VPS53: variants seen among roughly 807,000 people sequenced by gnomAD.
VPS53 encodes the protein vacuolar protein sorting-associated protein 53 homolog.
In VPS53, 70 loss-of-function variants were observed where a neutral mutation model predicts 107.0. That is an observed-to-expected ratio of 0.65 (90% CI 0.54 to 0.80). The LOEUF is 0.80. VPS53 is among the 30% of genes least tolerant of loss of function. The pLI, the probability that VPS53 is intolerant of heterozygous loss-of-function variation, is 0.00. For synonymous variants in VPS53, 409 were observed against 393.3 expected (o/e 1.04, Z -0.47); for missense variants, 917 against 1,049.4 (o/e 0.87, Z 1.74).
chr17:661,697 C>T, intron 5 of VPS53, 112 bp downstream of exon 5: 1 of 985,116 alleles, frequency 1.0e-6, no homozygotes, highest in Non-Finnish European at 1.5e-6. Flanking sequence ...ATGCAGATGA[C>T]TCTGGTTGGC....
intron 13 of VPS53, among the ~76,000 whole-genome samples, chr17:583,996 C>T (rs1308301173): frequency 6.6e-6 from 1 of 152,190 alleles, no homozygotes; most frequent in Admixed American, 6.5e-5. Flanking sequence ...TCCCTCAGGA[C>T]CTAATATGTT....
chr17:679,028 A>T (rs2143770965), intron 4 of VPS53, among the ~76,000 whole-genome samples: 1 of 152,222 alleles, frequency 6.6e-6, no homozygotes, highest in South Asian at 2.1e-4. Context: ...CTTACATAAC[A>T]AGAAGTAGAA....
chr17:665,727 G>C (rs1802902160), intron 4 of VPS53, among the ~76,000 whole-genome samples: 1 of 152,202 alleles, frequency 6.6e-6, no homozygotes, highest in Admixed American at 6.5e-5. Context: ...ACAGTAAGCT[G>C]GGCATGGTGG....
chr17:692,579 T>G (rs549281443), intron 4 of VPS53, among the ~76,000 whole-genome samples: 1 of 152,338 alleles, frequency 6.6e-6, no homozygotes, highest in African/African-American at 2.4e-5. Context: ...CTTCAATATT[T>G]AAATCATTCC....
At chr17:572,374 C>T (rs1398594419) in intron 13 of VPS53, among the ~76,000 whole-genome samples, 4 of 150,150 alleles carry the variant, frequency 2.7e-5, no homozygotes, top group South Asian at 2.1e-4. Flanking sequence ...AAGTGAGGAG[C>T]GTCTCCGCCG....
intron 1 of VPS53, among the ~76,000 whole-genome samples, chr17:713,858 G>A (rs961713539): frequency 1.1e-4 from 17 of 149,328 alleles, no homozygotes; most frequent in Admixed American, 8.7e-4. Context: ...TGGCCAAAAC[G>A]GTGAAACCCC....
intron 4 of VPS53, among the ~76,000 whole-genome samples, chr17:695,895 G>C (rs1251183597): frequency 2.0e-5 from 3 of 152,174 alleles, no homozygotes; most frequent in Admixed American, 6.5e-5. Context: ...TGTCTGAAGA[G>C]GTAGACAATA....
At chr17:571,849 A>C (rs1168168278) in intron 13 of VPS53, among the ~76,000 whole-genome samples, 1 of 152,140 alleles carries the variant, frequency 6.6e-6, no homozygotes, top group African/African-American at 2.4e-5. Flanking sequence ...TCAGTGCTCA[A>C]TGGTGCCCAG....
chr17:641,099 A>C (rs1970409416), intron 7 of VPS53, among the ~76,000 whole-genome samples: 1 of 152,024 alleles, frequency 6.6e-6, no homozygotes, highest in Admixed American at 6.5e-5. Context: ...CAGGTGATCC[A>C]CCCACCTCGG....
In VPS53 at chr17:532,648, T is replaced by C. The variant is rs1597253607; in HGVS notation, c.2085+194A>G. 6 of 1,379,854 alleles carry C rather than the reference T, an allele frequency of 4.3e-6. No individual in the cohort carries two copies. In the African/African-American group the frequency reaches 4.4e-5, roughly 10 times the overall value. 85.5% of individuals were successfully genotyped at this position (1,379,854 alleles called of 1,614,324 possible). ...GTTATACCCTGCACCCAGAACTTAGTAGGCGTTCAAACAAAATTTTTAAAA... is the reference window on the plus strand; with the variant it reads ...GTTATACCCTGCACCCAGAACTTAGCAGGCGTTCAAACAAAATTTTTAAAA... On this transcript the variant is annotated intron_variant, in intron 19 of 21. Transcript: ENST00000437048.
intron 13 of VPS53, among the ~76,000 whole-genome samples, chr17:571,509 A>AGTCTCCCTTTTCCTCTCCCTACG (rs1914063425): frequency 2.6e-5 from 1 of 38,898 alleles, no homozygotes; most frequent in Non-Finnish European, 5.7e-5. Context: ...CTCTCCCTAC[A>AGTCTCCCTTTTCCTCTCCCTACG]GTCTCCCTCT....
At chr17:607,879 G>T (rs187157347) in intron 11 of VPS53, among the ~76,000 whole-genome samples, 1 of 152,178 alleles carries the variant, frequency 6.6e-6, no homozygotes, top group East Asian at 1.9e-4. Flanking sequence ...GTCAAGAAGG[G>T]AAAGTCTGGC....
At chr17:710,808 G>A (rs1973616309) in intron 1 of VPS53, among the ~76,000 whole-genome samples, 195 bp from the exon 2 acceptor site, 1 of 152,030 alleles carries the variant, frequency 6.6e-6, no homozygotes, top group African/African-American at 2.4e-5. Flanking sequence ...TGGGTGTGGT[G>A]TTGGCGCACA....
In VPS53 at chr17:509,168, C is replaced by A. The variant is rs1907775685; in HGVS notation, c.*9960G>T. 1 of 149,462 alleles carries A rather than the reference C, an allele frequency of 6.7e-6. No homozygotes were observed. The highest frequency in any genetic ancestry group is 6.7e-5 in the Admixed American group (1 of 14,848). 9.3% of individuals were successfully genotyped at this position (149,462 alleles called of 1,614,324 possible). On this transcript the variant is annotated 3_prime_UTR_variant, in exon 22 of 22. Coordinates refer to ENST00000437048, the MANE Select transcript of VPS53 (RefSeq NM_001128159.3). ...CACATATCAAATCCTGCCTCACCCC[C>A]TTACTAGTCACATATCAAATCCTGC...
At chr17:598,613 G>A (rs1451044456) in intron 12 of VPS53, among the ~76,000 whole-genome samples, 28 of 143,448 alleles carry the variant, frequency 2.0e-4, no homozygotes, top group Non-Finnish European at 3.1e-4. Flanking sequence ...CTGCCCTGCC[G>A]CCCCGTCTGG....
intron 15 of VPS53, among the ~76,000 whole-genome samples, chr17:557,388 AC>A (rs1195167594): frequency 1.3e-5 from 2 of 152,228 alleles, no homozygotes; most frequent in Non-Finnish European, 2.9e-5. Flanking sequence ...ATCTTGAGAT[AC>A]TTAATTACAT....
At chr17:669,333 C>G (rs1971837353) in intron 4 of VPS53, among the ~76,000 whole-genome samples, 2 of 152,088 alleles carry the variant, frequency 1.3e-5, no homozygotes. Flanking sequence ...TAGCTCACAC[C>G]TATAATCCCA....
Position 519,957 on chromosome 17 carries a change from C to G in VPS53, c.2224-27G>C, listed in dbSNP as rs1567594756. 6.6e-7 allele frequency: 1 copy of G among 1,510,544 alleles called. No homozygotes were observed. The highest frequency in any genetic ancestry group is 1.7e-4 in the Middle Eastern group (1 of 5,808). The allele number at this position is 1,510,544 out of a possible 1,614,324, so 93.6% of individuals were successfully genotyped here. The stretch of plus-strand genomic sequence containing the variant: ...TACAGCGGGAGGAGACAGGAGCAAG[C>G]CCCTCAGGAAAACTACCACCACGGG... On this transcript the variant is annotated intron_variant, in intron 20 of 21. Coordinates refer to ENST00000437048, the MANE Select transcript of VPS53 (RefSeq NM_001128159.3). This position sits in a 1 kb window ranked among gnomAD's most constrained non-coding sequence, Gnocchi z 5.0.
At chr17:572,101 C>T (rs1260498675) in intron 13 of VPS53, among the ~76,000 whole-genome samples, 2 of 150,156 alleles carry the variant, frequency 1.3e-5, no homozygotes, top group Non-Finnish European at 1.5e-5. Context: ...AAGTGAGGAG[C>T]GCCTCTTCCC....
Sources: allele counts gnomAD v4.1 joint callset (sites outside exome capture counted in the v4.1 genomes callset), GRCh38; gene constraint gnomAD v4.1.1; non-coding constraint Gnocchi (gnomAD v3.1); transcripts MANE v1.5; gene names NCBI Gene and HGNC (gene_info 2026-07-23, HGNC 2026-07-21).